The following LRRC7 variants were observed in gnomAD, a reference collection of about 807,000 sequenced individuals.
LRRC7 encodes leucine rich repeat containing 7.
In LRRC7, 23 loss-of-function variants were observed where a neutral mutation model predicts 175.7. The ratio of observed to expected loss-of-function variants is 0.13; its 90% CI spans 0.09 to 0.19. LRRC7 has a LOEUF of 0.19. Among genes scored for constraint, LRRC7 ranks in the 10% least tolerant of loss-of-function variants. LRRC7 has a pLI of 1.00. For missense variants in LRRC7, 1,354 were observed against 1,904.7 expected (o/e 0.71, Z 5.38); for synonymous variants, 685 against 680.9 (o/e 1.01, Z -0.09).
chr1:69,629,833 C>A (rs1283508852), intron 1 of LRRC7, among the ~76,000 whole-genome samples: 1 of 152,006 alleles, frequency 6.6e-6, no homozygotes, highest in African/African-American at 2.4e-5. Context: ...TTCTTGTTCT[C>A]ATTTTATTCA....
intron 7 of LRRC7, among the ~76,000 whole-genome samples, chr1:69,893,329 C>T (rs989120062): frequency 2.6e-5 from 4 of 152,152 alleles, no homozygotes; most frequent in Non-Finnish European, 4.4e-5. Flanking sequence ...AGACAGCTAA[C>T]ATGTATTAAA....
rs71071379 is a variant in LRRC7 at position 69,819,577 on chromosome 1, CTGTGTGTG to C, written c.422-6139_422-6132del. Among the ~76,000 whole-genome samples the C allele has an allele frequency of 8.2e-3, 943 of 114,942 alleles. 12 individuals are homozygous for C. Among genetic ancestry groups the C allele is most frequent in the African/African-American group, 0.028 (911 of 32,020 alleles). 75.4% of individuals were successfully genotyped at this position (114,942 alleles called of 152,430 possible). ...ATGCTCTCTCTCTCTCTCTCTCTCT[CTGTGTGTG>C]TGTGTGTGTGTGTGTGTGTGTGTGT... is the stretch of plus-strand genomic sequence containing the variant. On this transcript the variant is annotated intron_variant, in intron 4 of 26. Transcript: ENST00000651989.
In LRRC7 at chr1:70,038,553, C is replaced by G; in HGVS notation, c.2729C>G (p.Pro910Arg). The G allele has an allele frequency of 6.2e-7, 1 of 1,614,094 alleles. No homozygotes were observed. The highest frequency in any genetic ancestry group is 8.5e-7 in the Non-Finnish European group (1 of 1,180,002). The part of the protein sequence containing the change: ...LETTPTTSPL[P>R]ERKEHIKEST... ...ACAACCCCCACTACCAGCCCATTGC[C>G]TGAAAGGAAAGAACATATAAAGGAA... Residue 910 changes from proline (P) to arginine (R), a missense_variant, in exon 21 of 27, where the codon CCT (proline) becomes CGT (arginine). This residue lies in a region of LRRC7 where 1,032 missense variants were observed against 1,227.2 expected (regional missense o/e 0.84). Coordinates refer to ENST00000651989, the MANE Select transcript of LRRC7 (RefSeq NM_001370785.2).
In LRRC7 at chr1:70,125,149, A is replaced by G. The variant is rs1217289245; in HGVS notation, c.*3262A>G. On this transcript the variant is annotated 3_prime_UTR_variant, in exon 27 of 27. Transcript: ENST00000651989. ...CAAGGAATATTCAAAGTCAGTATGA[A>G]ATAAAACATTATGCTAATGTATTGC... 6.6e-6 allele frequency among the ~76,000 whole-genome samples: 1 copy of G among 152,260 alleles called. No individual in the cohort carries two copies. Among genetic ancestry groups the G allele is most frequent in the Non-Finnish European group, 1.5e-5 (1 of 68,048 alleles).
In LRRC7 at chr1:70,125,850, G is replaced by T. The variant is rs1666434250; in HGVS notation, c.*3963G>T. ...AGGGGAGAAAACATGGAAGAAATTA[G>T]ATTTATATATTCAAATATTAAGTGA... On this transcript the variant is annotated 3_prime_UTR_variant, in exon 27 of 27. Coordinates refer to ENST00000651989, the MANE Select transcript of LRRC7 (RefSeq NM_001370785.2). Among the ~76,000 whole-genome samples, 1 of 148,952 alleles carries T rather than the reference G, an allele frequency of 6.7e-6. No homozygotes were observed. The highest frequency in any genetic ancestry group is 2.1e-4 in the South Asian group (1 of 4,752).
At chr1:69,612,211 A>G (rs1221381252) in intron 1 of LRRC7, among the ~76,000 whole-genome samples, 1 of 152,090 alleles carries the variant, frequency 6.6e-6, no homozygotes, top group South Asian at 2.1e-4. Flanking sequence ...GTTTTCTGCA[A>G]TAAAATAGTA....
chr1:69,644,974 T>C (rs1421647403), intron 1 of LRRC7, among the ~76,000 whole-genome samples: 2 of 152,002 alleles, frequency 1.3e-5, no homozygotes, highest in Non-Finnish European at 2.9e-5. Flanking sequence ...AAAAATTTCC[T>C]CCATTTAATA....
Position 70,136,581 on chromosome 1 carries a change from A to AGT in LRRC7, c.*14696_*14697dup, listed in dbSNP as rs1666881331. On this transcript the variant is annotated 3_prime_UTR_variant, in exon 27 of 27. Coordinates refer to ENST00000651989, the MANE Select transcript of LRRC7 (RefSeq NM_001370785.2). ...TCCTACCCCTCAAGAAACACAGTCT[A>AGT]GTGGGGAGACACACAAAAAGTCTAA... Among the ~76,000 whole-genome samples the AGT allele has an allele frequency of 6.6e-6, 1 of 152,176 alleles. No homozygotes were observed. The highest frequency in any genetic ancestry group is 2.1e-4 in the South Asian group (1 of 4,824).
At chr1:69,581,795 A>G (rs1325397921) in intron 1 of LRRC7, among the ~76,000 whole-genome samples, 1 of 152,110 alleles carries the variant, frequency 6.6e-6, no homozygotes, top group Admixed American at 6.6e-5. Flanking sequence ...TTTTGGCATG[A>G]AAAGAAAATA....
intron 7 of LRRC7, among the ~76,000 whole-genome samples, chr1:69,846,116 A>C (rs529388942): frequency 3.3e-5 from 5 of 152,274 alleles, no homozygotes; most frequent in Middle Eastern, 6.8e-3. Flanking sequence ...GATAATTATG[A>C]CATTCTATAT....
At chr1:69,883,042 T>C (rs1219306561) in intron 7 of LRRC7, among the ~76,000 whole-genome samples, 3 of 152,228 alleles carry the variant, frequency 2.0e-5, no homozygotes, top group South Asian at 4.1e-4. Context: ...GTTCCAAGTC[T>C]TTGCTATTGT....
intron 25 of LRRC7, 142 bp from the exon 26 acceptor site, chr1:70,107,610 A>C (rs1417444680): frequency 1.9e-6 from 1 of 527,868 alleles, no homozygotes; most frequent in African/African-American, 1.9e-5. Flanking sequence ...CCTTGCTTAA[A>C]ATACTATAAT....
At chr1:70,069,516 T>C (rs1431775381) in intron 23 of LRRC7, among the ~76,000 whole-genome samples, 2 of 152,170 alleles carry the variant, frequency 1.3e-5, no homozygotes, top group African/African-American at 4.8e-5. Flanking sequence ...TCAGAGTCTA[T>C]TCATAGATTT....
At chr1:70,083,615 TA>T (rs971636877) in intron 24 of LRRC7, among the ~76,000 whole-genome samples, 2 of 152,184 alleles carry the variant, frequency 1.3e-5, no homozygotes, top group Admixed American at 6.5e-5. Flanking sequence ...TCCAGAAGTT[TA>T]TATGCAATTA....
chr1:69,922,698 T>A (rs1646928245), intron 7 of LRRC7, among the ~76,000 whole-genome samples: 1 of 152,178 alleles, frequency 6.6e-6, no homozygotes, highest in South Asian at 2.1e-4. Context: ...ACCACTAATC[T>A]CCATGTTGTC....
intron 2 of LRRC7, among the ~76,000 whole-genome samples, chr1:69,684,332 A>G (rs1308419857): frequency 1.3e-5 from 2 of 152,204 alleles, no homozygotes; most frequent in East Asian, 1.9e-4. Context: ...AAAATGCATC[A>G]CAAGAATCTG....
At position 69,705,833 on chromosome 1, in the gene LRRC7, T is replaced by G. The variant is rs185076808; in HGVS notation, c.100+27355T>G. ...GGACATGACCAGAATGACCTCTAAT[T>G]TGTATGGTTAATTTTTAACACTCTC... On this transcript the variant is annotated intron_variant, in intron 2 of 26. Transcript: ENST00000651989. Among the ~76,000 whole-genome samples, 6 of 152,252 alleles carry G rather than the reference T, an allele frequency of 3.9e-5. No individual in the cohort carries two copies. In the East Asian group the frequency reaches 1.2e-3, roughly 29 times the overall value.
intron 1 of LRRC7, among the ~76,000 whole-genome samples, chr1:69,576,813 G>A (rs1257346307): frequency 6.6e-6 from 1 of 152,134 alleles, no homozygotes; most frequent in African/African-American, 2.4e-5. Flanking sequence ...ATCTGTGAAT[G>A]TAATCCCACA....
At chr1:69,569,465 T>C (rs1645640630) in intron 1 of LRRC7, among the ~76,000 whole-genome samples, 1 of 151,960 alleles carries the variant, frequency 6.6e-6, no homozygotes, top group African/African-American at 2.4e-5. Flanking sequence ...GTGTTTCGGA[T>C]TCGACGTGGA....
Sources: gnomAD v4.1 joint callset for allele counts (sites outside exome capture counted in the v4.1 genomes callset) on GRCh38, gnomAD v4.1.1 for gene constraint, gnomAD v4.1.1 regional missense constraint, MANE v1.5 for transcripts, NCBI Gene and HGNC (gene_info 2026-07-23, HGNC 2026-07-21) for gene names.